Variants in GRID2 observed in about 807,000 individuals in gnomAD.
GRID2 encodes the protein glutamate ionotropic receptor delta type subunit 2.
In GRID2, 33 loss-of-function variants were observed where a neutral mutation model predicts 114.8. The ratio of observed to expected loss-of-function variants is 0.29; its 90% confidence interval spans 0.22 to 0.38. The LOEUF is 0.38. Ranked by LOEUF, GRID2 falls within the 10% of genes least tolerant of loss-of-function variation. The probability of loss-of-function intolerance (pLI) is 1.00; values close to 1 mark genes in which losing one functional copy is unlikely to be tolerated. For synonymous variants in GRID2, 505 were observed against 449.9 expected, an observed-to-expected ratio of 1.12 and a Z score of -1.55; for missense variants, 1,184 against 1,257.7, an observed-to-expected ratio of 0.94 and a Z score of 0.89.
chr4:93,780,161 G>C (rs939418534), intron 1 of GRID2, among the ~76,000 whole-genome samples: 1 of 152,186 alleles, frequency 6.6e-6, no homozygotes, highest in Non-Finnish European at 1.5e-5. Flanking sequence ...GGAGCAAGAA[G>C]GCCAGAGCAG....
chr4:92,473,605 C>T (rs533702731), intron 1 of GRID2, among the ~76,000 whole-genome samples: 16 of 151,968 alleles, frequency 1.1e-4, no homozygotes, highest in African/African-American at 3.9e-4. Flanking sequence ...TTCTAGGATC[C>T]TCAGAATTTT....
intron 2 of GRID2, among the ~76,000 whole-genome samples, chr4:92,927,422 TTTC>T: frequency 6.6e-6 from 1 of 151,834 alleles, no homozygotes; most frequent in Non-Finnish European, 1.5e-5. Flanking sequence ...GTGTCAGCAT[TTTC>T]TTGTGTTTGT....
intron 2 of GRID2, among the ~76,000 whole-genome samples, chr4:92,926,932 A>C (rs781103615): frequency 6.6e-6 from 1 of 151,864 alleles, no homozygotes; most frequent in African/African-American, 2.4e-5. Context: ...TCCACTCTCA[A>C]CTGTTGCACT....
intron 2 of GRID2, among the ~76,000 whole-genome samples, chr4:92,880,191 C>A (rs540311005): frequency 6.6e-6 from 1 of 152,210 alleles, no homozygotes; most frequent in Non-Finnish European, 1.5e-5. Flanking sequence ...ATTAAGTAGA[C>A]AGGTAGGGAT....
intron 14 of GRID2, among the ~76,000 whole-genome samples, chr4:93,759,522 C>G (rs561430447): frequency 6.6e-6 from 1 of 152,206 alleles, no homozygotes; most frequent in Non-Finnish European, 1.5e-5. Context: ...ATTGTTTAAA[C>G]TCTAAGAAAA....
At chr4:92,966,846 A>G (rs945666448) in intron 2 of GRID2, among the ~76,000 whole-genome samples, 2 of 151,954 alleles carry the variant, frequency 1.3e-5, no homozygotes, top group Non-Finnish European at 2.9e-5. Flanking sequence ...TTCTCTTTTG[A>G]AAGTATAGAA....
intron 2 of GRID2, among the ~76,000 whole-genome samples, chr4:92,794,905 T>TACAC (rs1553928475): frequency 8.5e-4 from 108 of 127,796 alleles, no homozygotes; most frequent in South Asian, 1.5e-3. Flanking sequence ...TATATATATA[T>TACAC]ACACACACAC....
intron 2 of GRID2, among the ~76,000 whole-genome samples, chr4:92,736,730 C>A (rs1227887666): frequency 1.3e-5 from 2 of 152,016 alleles, no homozygotes; most frequent in African/African-American, 2.4e-5. Context: ...TAAACACTGC[C>A]CCAGTTTATG....
chr4:92,953,683 T>C (rs1022364452), intron 2 of GRID2, among the ~76,000 whole-genome samples: 1 of 152,088 alleles, frequency 6.6e-6, no homozygotes. Context: ...GGAATCAATA[T>C]GATGATTCAT....
At chr4:92,408,939 T>G (rs1280199603) in intron 1 of GRID2, among the ~76,000 whole-genome samples, 1 of 152,162 alleles carries the variant, frequency 6.6e-6, no homozygotes, top group Non-Finnish European at 1.5e-5. Flanking sequence ...CTTCTTTTCC[T>G]ATTTTGATGC....
At chr4:93,671,229 C>G (rs569265126) in intron 14 of GRID2, among the ~76,000 whole-genome samples, 1 of 152,242 alleles carries the variant, frequency 6.6e-6, no homozygotes, top group Non-Finnish European at 1.5e-5. Flanking sequence ...ATACTATGCA[C>G]TAAAGAGAAG....
chr4:92,493,644 C>G (rs1723252635), intron 1 of GRID2, among the ~76,000 whole-genome samples: 1 of 152,144 alleles, frequency 6.6e-6, no homozygotes, highest in African/African-American at 2.4e-5. Context: ...CTAATTATTT[C>G]ACTTCCTTTA....
At chr4:93,418,305 T>C (rs1267505109) in intron 9 of GRID2, among the ~76,000 whole-genome samples, 1 of 151,998 alleles carries the variant, frequency 6.6e-6, no homozygotes, top group Non-Finnish European at 1.5e-5. Flanking sequence ...TCCTTCACCC[T>C]GGATATTAAT....
chr4:93,339,358 A>G (rs1433292843), intron 8 of GRID2, among the ~76,000 whole-genome samples: 1 of 152,166 alleles, frequency 6.6e-6, no homozygotes, highest in Non-Finnish European at 1.5e-5. Context: ...GTGTCCTTGT[A>G]AGAAGGACCC....
intron 2 of GRID2, among the ~76,000 whole-genome samples, chr4:92,919,960 T>C (rs932620873): frequency 2.0e-5 from 3 of 152,118 alleles, no homozygotes; most frequent in Non-Finnish European, 2.9e-5. Flanking sequence ...GTTAAAGTCT[T>C]CCGTTATTAT....
In GRID2 at chr4:92,817,797, G is replaced by A. The variant is rs537466352; in HGVS notation, c.244+227511G>A. On this transcript the variant is annotated intron_variant, in intron 2 of 15. Transcript: ENST00000282020. Reference sequence around the variant, plus strand: ...ATCCTCTCCCTTGGCCTCTCAAAGTGTTGAGATTATAGGTGTGAGCCCTTG... The same window carrying A: ...ATCCTCTCCCTTGGCCTCTCAAAGTATTGAGATTATAGGTGTGAGCCCTTG... Among the ~76,000 whole-genome samples, 4 of 151,790 alleles carry A rather than the reference G, an allele frequency of 2.6e-5. No individual in the cohort carries two copies. The East Asian group carries it at 7.8e-4, about 30-fold the overall frequency.
At chr4:92,920,332 A>G (rs1399989964) in intron 2 of GRID2, among the ~76,000 whole-genome samples, 1 of 152,184 alleles carries the variant, frequency 6.6e-6, no homozygotes. Context: ...TAATTGGAGC[A>G]TTTATCCCAT....
chr4:92,599,028 CTTTTTT>C (rs79836874), intron 2 of GRID2, among the ~76,000 whole-genome samples: 74 of 115,272 alleles, frequency 6.4e-4, no homozygotes, highest in African/African-American at 2.4e-3. Flanking sequence ...AATGCTTTTC[CTTTTTT>C]TTTTTTTTTT....
At chr4:93,690,007 T>C (rs1726413795) in intron 14 of GRID2, among the ~76,000 whole-genome samples, 3 of 152,110 alleles carry the variant, frequency 2.0e-5, no homozygotes, top group Admixed American at 6.6e-5. Flanking sequence ...TATTCTGGAA[T>C]GTGTATTAAT....
Sources: allele counts gnomAD v4.1 joint callset (sites outside exome capture counted in the v4.1 genomes callset), GRCh38; gene constraint gnomAD v4.1.1; transcripts MANE v1.5; gene names NCBI Gene and HGNC (gene_info 2026-07-23, HGNC 2026-07-21).